Variants in RPS6KA3 observed in about 807,000 individuals in gnomAD.
The protein encoded by RPS6KA3 is ribosomal protein S6 kinase A3.
In RPS6KA3, 4 loss-of-function variants were observed where a neutral mutation model predicts 67.2. The ratio of observed to expected loss-of-function variants is 0.06; its 90% confidence interval spans 0.03 to 0.14. The LOEUF (loss-of-function observed/expected upper bound fraction) is 0.14, where lower values mean the gene tolerates loss of function less well. Ranked by LOEUF, RPS6KA3 falls within the 10% of genes least tolerant of loss-of-function variation. RPS6KA3 has a pLI of 1.00. For synonymous variants in RPS6KA3, 182 were observed against 183.7 expected (o/e 0.99, Z 0.07); for missense variants, 204 against 559.0 (o/e 0.36, Z 6.40).
chrX:20,174,636 C>T (rs1034866743), intron 14 of RPS6KA3, among the ~76,000 whole-genome samples: 4 of 109,784 alleles, frequency 3.6e-5, no homozygotes, highest in Admixed American at 9.7e-5. Context: ...CATGAGCCAC[C>T]GCACCTGGCC....
At chrX:20,174,903 C>A (rs1375358119) in intron 14 of RPS6KA3, among the ~76,000 whole-genome samples, 1 of 110,680 alleles carries the variant, frequency 9.0e-6, no homozygotes, top group African/African-American at 3.3e-5. Flanking sequence ...CAGGCACGTG[C>A]CACTATGCCC....
chrX:20,184,397 C>CTTTTTTTTT (rs1176222205), intron 10 of RPS6KA3, among the ~76,000 whole-genome samples: 1 of 86,466 alleles, frequency 1.2e-5, no homozygotes, highest in Non-Finnish European at 2.3e-5. Context: ...CATTACTTTT[C>CTTTTTTTTT]TTTTTTTTTT....
At chrX:20,241,690 C>T (rs2069555976) in intron 1 of RPS6KA3, 1 of 109,648 alleles carries the variant, frequency 9.1e-6, no homozygotes, top group Admixed American at 9.8e-5. Context: ...TATAATCCTA[C>T]AAGCATACAA....
At chrX:20,230,280 T>C (rs1429042800) in intron 2 of RPS6KA3, among the ~76,000 whole-genome samples, 2 of 112,285 alleles carry the variant, frequency 1.8e-5, no homozygotes, top group East Asian at 2.8e-4. Flanking sequence ...GTAGGGAATA[T>C]AGACCAAGTA....
chrX:20,249,165 GAGT>G (rs1186564965), intron 1 of RPS6KA3, among the ~76,000 whole-genome samples: 2 of 111,882 alleles, frequency 1.8e-5, no homozygotes, highest in Non-Finnish European at 3.8e-5. Context: ...TTTAGTTAGC[GAGT>G]AGTATTATTC....
chrX:20,204,902 A>AAAC (rs375448214), intron 3 of RPS6KA3, among the ~76,000 whole-genome samples: 1 of 111,464 alleles, frequency 9.0e-6, no homozygotes, highest in South Asian at 3.8e-4. Context: ...CTCCGTTTCA[A>AAAC]AACAACAACA....
intron 1 of RPS6KA3, among the ~76,000 whole-genome samples, chrX:20,258,456 T>A (rs1386033049): frequency 8.9e-6 from 1 of 111,949 alleles, no homozygotes; most frequent in Non-Finnish European, 1.9e-5. Context: ...GCACTTGAGA[T>A]GCATTTCAAT....
intron 1 of RPS6KA3, chrX:20,241,452 G>T (rs1331726669): frequency 3.0e-5 from 3 of 99,024 alleles, no homozygotes; most frequent in African/African-American, 1.1e-4. Flanking sequence ...AAGAAAGAAA[G>T]AAAGAAAAGA....
At chrX:20,242,956 T>C (rs1427466534) in intron 1 of RPS6KA3, among the ~76,000 whole-genome samples, 1 of 111,337 alleles carries the variant, frequency 9.0e-6, no homozygotes, top group Non-Finnish European at 1.9e-5. Context: ...TTTGAAATGT[T>C]TGATAATCAT....
intron 8 of RPS6KA3, among the ~76,000 whole-genome samples, chrX:20,188,287 G>A (rs766398005): frequency 1.8e-5 from 2 of 110,745 alleles, no homozygotes; most frequent in South Asian, 3.9e-4. Flanking sequence ...TGTTAGCCAG[G>A]CTAGTCTTGA....
chrX:20,255,060 T>C (rs1346246746), intron 1 of RPS6KA3, among the ~76,000 whole-genome samples: 1 of 112,580 alleles, frequency 8.9e-6, no homozygotes, highest in African/African-American at 3.2e-5. Flanking sequence ...TTATTCATAA[T>C]AGCCAAAAGG....
At chrX:20,247,364 A>C (rs1393596509) in intron 1 of RPS6KA3, among the ~76,000 whole-genome samples, 2 of 111,951 alleles carry the variant, frequency 1.8e-5, no homozygotes, top group Non-Finnish European at 3.8e-5. Flanking sequence ...CGGGAGGCAG[A>C]GGTTACAGTG....
At chrX:20,205,523 G>A (rs893282537) in intron 3 of RPS6KA3, among the ~76,000 whole-genome samples, 1 of 112,050 alleles carries the variant, frequency 8.9e-6, no homozygotes, top group Admixed American at 9.4e-5. Context: ...ACCACAACTC[G>A]CGGAGAAACC....
intron 4 of RPS6KA3, chrX:20,203,800 G>T (rs1294988215): frequency 1.4e-5 from 5 of 367,850 alleles, no homozygotes; most frequent in Non-Finnish European, 2.4e-5. Flanking sequence ...AACTCAATAT[G>T]AATTTATAAT....
intron 2 of RPS6KA3, among the ~76,000 whole-genome samples, chrX:20,223,820 T>C (rs918022972): frequency 8.9e-6 from 1 of 112,168 alleles, no homozygotes; most frequent in Non-Finnish European, 1.9e-5. Context: ...CCTGTTTTGC[T>C]TTCCTAATGT....
rs781755337 is a variant in RPS6KA3, at chrX:20,174,348, T to C, written c.1227+816A>G. On this transcript the variant is annotated intron_variant, in intron 14 of 21. Coordinates refer to ENST00000379565, the MANE Select transcript of RPS6KA3 (RefSeq NM_004586.3). Reference sequence around the variant, plus strand: ...TCAACTCTTTTAAAATTCTACTTTCTTTTTTTTTTTTTTTTTTCTGAGACA... The same window carrying C: ...TCAACTCTTTTAAAATTCTACTTTCCTTTTTTTTTTTTTTTTTCTGAGACA... Among the ~76,000 whole-genome samples the C allele has an allele frequency of 2.0e-4, 13 of 64,790 alleles. No homozygotes were observed. In the South Asian group the frequency reaches 7.2e-3, roughly 36 times the overall value. The allele number at this position is 64,790 out of a possible 115,157, so 56.3% of individuals were successfully genotyped here.
At chrX:20,176,118 G>A (rs933929799) in intron 13 of RPS6KA3, 132 bp downstream of exon 13, 2 of 493,346 alleles carry the variant, frequency 4.1e-6, no homozygotes, top group Non-Finnish European at 7.3e-6. Context: ...CGATCTGCTC[G>A]CCTCAGCCTC....
At chrX:20,242,590 A>G (rs1163612901) in intron 1 of RPS6KA3, among the ~76,000 whole-genome samples, 4 of 112,082 alleles carry the variant, frequency 3.6e-5, no homozygotes, top group Non-Finnish European at 5.6e-5. Flanking sequence ...ATGGAAGAAG[A>G]AAAAAACCTC....
rs768703678 is a variant in RPS6KA3, at chrX:20,265,898, G to A, written c.69+666C>T. The stretch of plus-strand genomic sequence containing the variant: ...TGAATATCACCCTCTCACCTCCATG[G>A]ACAGGAAACTCAAGTTAAACTCACA... On this transcript the variant is annotated intron_variant, in intron 1 of 21. Coordinates refer to ENST00000379565, the MANE Select transcript of RPS6KA3 (RefSeq NM_004586.3). 3 of 110,697 alleles carry A rather than the reference G, an allele frequency of 2.7e-5. No individual in the cohort carries two copies. In the East Asian group the frequency reaches 8.6e-4, roughly 32 times the overall value. 9.1% of individuals were successfully genotyped at this position (110,697 alleles called of 1,213,427 possible).
Sources: gnomAD v4.1 joint callset for allele counts (sites outside exome capture counted in the v4.1 genomes callset) on GRCh38, gnomAD v4.1.1 for gene constraint, MANE v1.5 for transcripts, NCBI Gene and HGNC (gene_info 2026-07-23, HGNC 2026-07-21) for gene names.